The following LRP1B variants were observed in gnomAD, a reference collection of about 807,000 sequenced individuals.
LRP1B encodes the protein LDL receptor related protein 1B, also known as low-density lipoprotein receptor-related protein 1B.
LRP1B carries 217 observed loss-of-function variants against 556.6 expected under a neutral mutation model. The ratio of observed to expected loss-of-function variants is 0.39; its 90% CI spans 0.35 to 0.44. The LOEUF (loss-of-function observed/expected upper bound fraction) is 0.44, where lower values mean the gene tolerates loss of function less well. Among genes scored for constraint, LRP1B ranks in the 20% least tolerant of loss-of-function variants. The pLI is 1.00. For synonymous variants in LRP1B, 2,047 were observed against 1,865.8 expected, an observed-to-expected ratio of 1.10 and a Z score of -2.50; for missense variants, 5,053 against 5,620.8, an observed-to-expected ratio of 0.90 and a Z score of 3.23.
intron 1 of LRP1B, among the ~76,000 whole-genome samples, chr2:142,050,554 C>T (rs1172689387): frequency 6.6e-6 from 1 of 152,076 alleles, no homozygotes; most frequent in African/African-American, 2.4e-5. Context: ...ATTAAAAAAT[C>T]CCTCTGTGCC....
chr2:141,392,383 T>C (rs1038957720), intron 3 of LRP1B, among the ~76,000 whole-genome samples: 5 of 148,176 alleles, frequency 3.4e-5, no homozygotes, highest in Admixed American at 1.4e-4. Context: ...AGTAAATGCA[T>C]GTGGTAAAAA....
chr2:141,859,326 G>A (rs75687577), intron 1 of LRP1B, among the ~76,000 whole-genome samples: 1,559 of 152,138 alleles, frequency 0.01, 10 homozygotes, highest in Non-Finnish European at 0.016. Context: ...TTTGCATCTC[G>A]ACCTGAAATA....
intron 2 of LRP1B, among the ~76,000 whole-genome samples, chr2:141,486,131 G>T (rs1275148890): frequency 1.3e-5 from 2 of 152,068 alleles, no homozygotes; most frequent in Non-Finnish European, 2.9e-5. Flanking sequence ...CTAAATGTAG[G>T]TGACCTAAGC....
intron 7 of LRP1B, among the ~76,000 whole-genome samples, chr2:141,129,857 T>TA (rs1455768614): frequency 4.6e-5 from 7 of 151,710 alleles, no homozygotes; most frequent in African/African-American, 1.7e-4. Context: ...CATTTAAAGG[T>TA]AAAAAAACTG....
intron 43 of LRP1B, among the ~76,000 whole-genome samples, chr2:140,566,318 C>A (rs539103250): frequency 6.6e-6 from 1 of 152,290 alleles, no homozygotes; most frequent in South Asian, 2.1e-4. Context: ...CTCATGAAAA[C>A]AGTGCCTTGG....
intron 2 of LRP1B, among the ~76,000 whole-genome samples, chr2:141,620,303 A>G (rs888935765): frequency 6.6e-6 from 1 of 152,244 alleles, no homozygotes; most frequent in African/African-American, 2.4e-5. Flanking sequence ...GAAGAAGATT[A>G]GCAGATAGGC....
At chr2:140,838,126 T>C (rs932012707) in intron 31 of LRP1B, among the ~76,000 whole-genome samples, 4 of 152,156 alleles carry the variant, frequency 2.6e-5, no homozygotes, top group Non-Finnish European at 5.9e-5. Flanking sequence ...GTTTTCACCA[T>C]TATGGAAATA....
At chr2:140,235,812 AAT>A (rs1491075666) in intron 89 of LRP1B, among the ~76,000 whole-genome samples, 3 of 150,404 alleles carry the variant, frequency 2.0e-5, no homozygotes, top group African/African-American at 4.9e-5. Flanking sequence ...ATGAGGAAAA[AAT>A]AACCCTCCTT....
chr2:140,921,640 T>G (rs1382112651), intron 21 of LRP1B, among the ~76,000 whole-genome samples: 2 of 151,996 alleles, frequency 1.3e-5, no homozygotes, highest in Non-Finnish European at 2.9e-5. Context: ...CCTAAAATTA[T>G]GACTCTTTAT....
At chr2:141,641,054 C>T (rs1039968209) in intron 2 of LRP1B, among the ~76,000 whole-genome samples, 1 of 152,108 alleles carries the variant, frequency 6.6e-6, no homozygotes, top group Non-Finnish European at 1.5e-5. Flanking sequence ...GAGAAACAAT[C>T]GTTATAAACA....
rs555324900 is a variant in LRP1B at position 141,392,388 on chromosome 2, T to TA, written c.343+88007dup. ...GGAACAGGTGAGTAAATGCATGTGG[T>TA]AAAAAAACAAATCATCCTGCCTAAC... On this transcript the variant is annotated intron_variant, in intron 3 of 90. Transcript: ENST00000389484. 2.1e-3 allele frequency among the ~76,000 whole-genome samples: 285 copies of TA among 137,010 alleles called. 5 individuals are homozygous for TA. Among genetic ancestry groups the TA allele is most frequent in the Admixed American group, 0.019 (228 of 11,982 alleles). 89.9% of individuals were successfully genotyped at this position (137,010 alleles called of 152,430 possible).
intron 5 of LRP1B, among the ~76,000 whole-genome samples, chr2:141,237,331 T>C (rs1016647975): frequency 6.7e-6 from 1 of 150,368 alleles, no homozygotes; most frequent in Non-Finnish European, 1.5e-5. Flanking sequence ...GTTTTTTATC[T>C]TGTTTTGTTT....
Position 140,450,611 on chromosome 2 carries a change from G to T in LRP1B, c.10014C>A (p.Thr3338=), listed in dbSNP as rs1181785876. 6.2e-7 allele frequency: 1 copy of T among 1,612,724 alleles called. No homozygotes were observed. Among genetic ancestry groups the T allele is most frequent in the Admixed American group, 1.7e-5 (1 of 59,822 alleles). Residue 3338 remains threonine, a synonymous_variant, in exon 63 of 91, where the codon ACC becomes ACA. Transcript: ENST00000389484. ...CAGATCCATCACCACAGTCATCCAC[G>T]GTGTCACATTTCCACCAGAATGGAA... ...KCIPFWWKCD[T]VDDCGDGSDE...
At chr2:141,773,341 C>A (rs1032175980) in intron 2 of LRP1B, among the ~76,000 whole-genome samples, 1 of 152,026 alleles carries the variant, frequency 6.6e-6, no homozygotes, top group South Asian at 2.1e-4. Context: ...ATCATTAAAC[C>A]CTTACTGCCC....
intron 80 of LRP1B, 21 bp downstream of exon 80, chr2:140,325,741 A>T (rs1177403614): frequency 6.8e-7 from 1 of 1,480,038 alleles, no homozygotes; most frequent in Non-Finnish European, 9.4e-7. Flanking sequence ...TTAAAAATGA[A>T]GACAAAAGCA....
chr2:140,534,224 C>A, intron 46 of LRP1B, 84 bp from the exon 47 acceptor site: 1 of 1,243,790 alleles, frequency 8.0e-7, no homozygotes, highest in Non-Finnish European at 1.1e-6. Context: ...ATATTTCATT[C>A]ATAATGACTG....
chr2:141,436,376 G>C (rs1368285645), intron 3 of LRP1B, among the ~76,000 whole-genome samples: 1 of 152,146 alleles, frequency 6.6e-6, no homozygotes, highest in African/African-American at 2.4e-5. Context: ...TGAACTCATA[G>C]AAACAGAGAA....
At chr2:141,688,177 T>G (rs955317223) in intron 2 of LRP1B, among the ~76,000 whole-genome samples, 6 of 151,644 alleles carry the variant, frequency 4.0e-5, no homozygotes, top group Non-Finnish European at 5.9e-5. Flanking sequence ...CTGTCACACG[T>G]TTTAGTTCAA....
chr2:141,226,117 T>TCC (rs68176365), intron 6 of LRP1B, among the ~76,000 whole-genome samples: 51 of 131,520 alleles, frequency 3.9e-4, no homozygotes, highest in African/African-American at 1.1e-3. Context: ...GTCTCAATTT[T>TCC]CCCCCCCAAA....
Sources: allele counts gnomAD v4.1 joint callset (sites outside exome capture counted in the v4.1 genomes callset), GRCh38; gene constraint gnomAD v4.1.1; transcripts MANE v1.5; gene names NCBI Gene and HGNC (gene_info 2026-07-23, HGNC 2026-07-21).